The following SPATA31F3 variants were observed in gnomAD, a reference collection of about 807,000 sequenced individuals.
SPATA31F3 encodes SPATA31 subfamily F member 3, also known as protein SPATA31F3.
the SPATA31F3 span, chr9:34,892,679 T>C: frequency 2.0e-3 from 926 of 460,022 alleles, 29 homozygotes; most frequent in East Asian, 0.029. Context: ...CAGGACAAAT[T>C]TGGAGTTGTT....
the SPATA31F3 span, chr9:34,894,394 C>A: frequency 2.5e-6 from 1 of 398,524 alleles, no homozygotes; most frequent in South Asian, 1.3e-4. Context: ...GAGAAATGAT[C>A]ACAGACCAGA....
chr9:34,891,817 T>C, the SPATA31F3 span, among the ~76,000 whole-genome samples: 3 of 152,316 alleles, frequency 2.0e-5, no homozygotes, highest in African/African-American at 7.2e-5. Flanking sequence ...CAGAGATCTC[T>C]GGACAACAGC....
chr9:34,895,143 A>G, the SPATA31F3 span: 7 of 398,400 alleles, frequency 1.8e-5, no homozygotes, highest in Admixed American at 4.4e-5. Context: ...CATATCTAAA[A>G]TGAAACAAAA....
the SPATA31F3 span, among the ~76,000 whole-genome samples, chr9:34,891,596 CT>C: frequency 6.6e-6 from 1 of 152,180 alleles, no homozygotes; most frequent in African/African-American, 2.4e-5. Context: ...ACTGCTGGAT[CT>C]TTTGGATCAG....
the SPATA31F3 span, chr9:34,895,145 GAAAC>G: frequency 2.5e-6 from 1 of 398,418 alleles, no homozygotes; most frequent in Non-Finnish European, 4.4e-6. Flanking sequence ...TATCTAAAAT[GAAAC>G]AAAACTCATA....
the SPATA31F3 span, among the ~76,000 whole-genome samples, chr9:34,893,672 G>T: frequency 6.6e-6 from 1 of 152,138 alleles, no homozygotes; most frequent in Non-Finnish European, 1.5e-5. Flanking sequence ...TGACGATCTA[G>T]AGCTTGTTGG....
At chr9:34,894,324 A>G in the SPATA31F3 span, 1 of 396,362 alleles carries the variant, frequency 2.5e-6, no homozygotes, top group Admixed American at 4.4e-5. Context: ...ACCAGCCTCC[A>G]CTGTGTATGT....
chr9:34,892,724 G>C, the SPATA31F3 span: 20 of 465,708 alleles, frequency 4.3e-5, no homozygotes, highest in Non-Finnish European at 7.2e-5. Context: ...AGGAATTCCA[G>C]GCTTCTCAAA....
chr9:34,891,840 C>T, the SPATA31F3 span, among the ~76,000 whole-genome samples: 1 of 152,220 alleles, frequency 6.6e-6, no homozygotes, highest in Admixed American at 6.5e-5. Flanking sequence ...GCAAACTCCA[C>T]TGAAGCTGGA....
At chr9:34,894,011 G>A in the SPATA31F3 span, among the ~76,000 whole-genome samples, 1 of 152,158 alleles carries the variant, frequency 6.6e-6, no homozygotes, top group African/African-American at 2.4e-5. Context: ...CCATCTGAGG[G>A]CTGTCTCCCT....
At chr9:34,889,649 G>A in the SPATA31F3 span, 105 of 398,414 alleles carry the variant, frequency 2.6e-4, no homozygotes, top group East Asian at 3.7e-3. Context: ...GAAGGATGAT[G>A]CTCTTGTGAG....
the SPATA31F3 span, chr9:34,894,408 G>A: frequency 1.0e-5 from 4 of 398,540 alleles, no homozygotes; most frequent in Middle Eastern, 6.3e-4. Flanking sequence ...GACCAGACTA[G>A]CAGCTGGGAG....
At chr9:34,894,181 T>C in the SPATA31F3 span, among the ~76,000 whole-genome samples, 5 of 152,298 alleles carry the variant, frequency 3.3e-5, no homozygotes, top group East Asian at 9.7e-4. Context: ...TAGAGTCTTT[T>C]ATGAATTATA....
the SPATA31F3 span, among the ~76,000 whole-genome samples, chr9:34,892,396 T>G: frequency 6.6e-6 from 1 of 152,204 alleles, no homozygotes; most frequent in Non-Finnish European, 1.5e-5. Flanking sequence ...AATGGCTGTT[T>G]GTCTGTCTGT....
chr9:34,894,564 A>T, the SPATA31F3 span: 1 of 398,526 alleles, frequency 2.5e-6, no homozygotes, highest in East Asian at 3.6e-5. Context: ...ACATCCTATA[A>T]GAAGCTGAAG....
the SPATA31F3 span, among the ~76,000 whole-genome samples, chr9:34,891,543 G>C: frequency 2.0e-5 from 3 of 152,188 alleles, no homozygotes; most frequent in African/African-American, 4.8e-5. Context: ...ACTGCTCCAG[G>C]GCAGGGATTA....
At chr9:34,890,055 G>A in the SPATA31F3 span, among the ~76,000 whole-genome samples, 1 of 152,198 alleles carries the variant, frequency 6.6e-6, no homozygotes, top group African/African-American at 2.4e-5. Context: ...TGAGAGGATG[G>A]AAATGGGGCT....
the SPATA31F3 span, among the ~76,000 whole-genome samples, chr9:34,894,245 T>C: frequency 6.6e-6 from 1 of 152,180 alleles, no homozygotes; most frequent in Non-Finnish European, 1.5e-5. Flanking sequence ...CAAAGCAGAA[T>C]TGGGTGACCC....
At chr9:34,891,736 G>C in the SPATA31F3 span, among the ~76,000 whole-genome samples, 2 of 152,188 alleles carry the variant, frequency 1.3e-5, no homozygotes, top group African/African-American at 4.8e-5. Flanking sequence ...CCCAATCAAA[G>C]AGTGTCCTGG....
Sources: gnomAD v4.1 joint callset for allele counts (sites outside exome capture counted in the v4.1 genomes callset) on GRCh38, gnomAD v4.1.1 for gene constraint, MANE v1.5 for transcripts, NCBI Gene and HGNC (gene_info 2026-07-23, HGNC 2026-07-21) for gene names.